The following PBX3 variants were observed in gnomAD, a reference collection of about 807,000 sequenced individuals.
The protein encoded by PBX3 is pre-B-cell leukemia transcription factor 3.
Under a neutral mutation model 48.5 loss-of-function variants are expected in PBX3, and 14 were observed. That is an observed-to-expected ratio of 0.29 (90% CI 0.19 to 0.45). The LOEUF is 0.45. Among genes scored for constraint, PBX3 ranks in the 20% least tolerant of loss-of-function variants. PBX3 has a pLI of 1.00. For missense variants in PBX3, 386 were observed against 546.7 expected, an observed-to-expected ratio of 0.71 and a Z score of 2.93; for synonymous variants, 210 against 200.3, an observed-to-expected ratio of 1.05 and a Z score of -0.41.
At chr9:125,777,965 T>C (rs535251972) in intron 2 of PBX3, among the ~76,000 whole-genome samples, 135 of 129,066 alleles carry the variant, frequency 1.0e-3, no homozygotes, top group South Asian at 2.2e-3. Flanking sequence ...AATCTTCTCT[T>C]TTTTTTTTTT....
At chr9:125,799,127 A>G (rs1837866529) in intron 2 of PBX3, among the ~76,000 whole-genome samples, 1 of 152,188 alleles carries the variant, frequency 6.6e-6, no homozygotes, top group Non-Finnish European at 1.5e-5. Context: ...TTCATCCTGA[A>G]GTTAAATGTT....
chr9:125,901,134 A>G (rs1413644121), intron 2 of PBX3, among the ~76,000 whole-genome samples: 1 of 151,760 alleles, frequency 6.6e-6, no homozygotes, highest in Non-Finnish European at 1.5e-5. Flanking sequence ...TTACTATTTC[A>G]ATTAGTTTTC....
intron 2 of PBX3, among the ~76,000 whole-genome samples, chr9:125,793,432 T>C (rs1400003856): frequency 2.0e-5 from 3 of 148,290 alleles, no homozygotes; most frequent in African/African-American, 5.0e-5. Context: ...AAGGCTTTTT[T>C]CCTTTTTTTT....
intron 4 of PBX3, among the ~76,000 whole-genome samples, chr9:125,934,336 T>C (rs1274945508): frequency 6.6e-6 from 1 of 152,204 alleles, no homozygotes; most frequent in Non-Finnish European, 1.5e-5. Flanking sequence ...ACTCTGTGTT[T>C]TCTGACTGTG....
At chr9:125,764,266 A>T (rs1836746997) in intron 2 of PBX3, among the ~76,000 whole-genome samples, 1 of 152,236 alleles carries the variant, frequency 6.6e-6, no homozygotes, top group South Asian at 2.1e-4. Flanking sequence ...TTTGATAAAG[A>T]TTCTTTATCC....
chr9:125,953,022 GA>G (rs1183801802), intron 5 of PBX3, among the ~76,000 whole-genome samples: 1 of 151,122 alleles, frequency 6.6e-6, no homozygotes, highest in Non-Finnish European at 1.5e-5. Flanking sequence ...TGTATGAAAA[GA>G]AAAAAATGCC....
intron 2 of PBX3, among the ~76,000 whole-genome samples, chr9:125,769,927 AATTT>A (rs1325506076): frequency 1.3e-5 from 2 of 152,112 alleles, no homozygotes; most frequent in Non-Finnish European, 2.9e-5. Context: ...ACCACTTATT[AATTT>A]ATTTAAGCTC....
chr9:125,890,496 C>T lies in PBX3; in HGVS notation c.275-25190C>T, dbSNP rs147442568. 2.0e-5 allele frequency among the ~76,000 whole-genome samples: 3 copies of T among 152,226 alleles called. No homozygotes were observed. In the East Asian group the frequency reaches 5.8e-4, roughly 29 times the overall value. On this transcript the variant is annotated intron_variant, in intron 2 of 8. Transcript: ENST00000373489. ...CATTATTACTGGTTGGAAAACATTC[C>T]AGAAAACCAAAATTATTGCTCTTTC...
At chr9:125,819,643 T>C (rs561242071) in intron 2 of PBX3, among the ~76,000 whole-genome samples, 75 of 152,282 alleles carry the variant, frequency 4.9e-4, no homozygotes, top group Non-Finnish European at 9.9e-4. Flanking sequence ...GGTTTAGATA[T>C]AGATATGGGC....
intron 3 of PBX3, among the ~76,000 whole-genome samples, chr9:125,925,379 C>T (rs1841551551): frequency 6.6e-6 from 1 of 152,146 alleles, no homozygotes; most frequent in South Asian, 2.1e-4. Flanking sequence ...ATGTAAAATA[C>T]ACACTAGATT....
intron 2 of PBX3, among the ~76,000 whole-genome samples, chr9:125,910,258 T>C (rs924421378): frequency 2.0e-5 from 3 of 152,138 alleles, no homozygotes; most frequent in East Asian, 1.9e-4. Context: ...AATGGACATA[T>C]ATGATAAAAA....
rs183550474 is a variant in PBX3, at chr9:125,747,684, G to A, written c.200+31G>A. The A allele has an allele frequency of 1.7e-3, 2,528 of 1,512,794 alleles. 7 individuals are homozygous for A. The highest frequency in any genetic ancestry group is 2.5e-3 in the Admixed American group (128 of 50,310). The allele number at this position is 1,512,794 out of a possible 1,614,324, so 93.7% of individuals were successfully genotyped here. ...TGTCGTCTCATTAAGCATCTTTTGT[G>A]TGTGTGCGGGAGCCGGGCCCGCGGC... On this transcript the variant is annotated intron_variant, in intron 1 of 8. Coordinates refer to ENST00000373489, the MANE Select transcript of PBX3 (RefSeq NM_006195.6).
At chr9:125,862,051 T>C (rs1238889623) in intron 2 of PBX3, among the ~76,000 whole-genome samples, 1 of 152,224 alleles carries the variant, frequency 6.6e-6, no homozygotes, top group African/African-American at 2.4e-5. Context: ...AAATGCACTT[T>C]AAATAAACAT....
chr9:125,905,592 G>T (rs1176808329), intron 2 of PBX3, among the ~76,000 whole-genome samples: 1 of 151,706 alleles, frequency 6.6e-6, no homozygotes, highest in African/African-American at 2.4e-5. Context: ...GTTTCCTAAA[G>T]GGTTAATGAA....
At chr9:125,912,364 C>T (rs147337800) in intron 2 of PBX3, among the ~76,000 whole-genome samples, 344 of 152,118 alleles carry the variant, frequency 2.3e-3, no homozygotes, top group Non-Finnish European at 4.2e-3. Flanking sequence ...TGCGTTTATT[C>T]GGAGAAAGCT....
intron 2 of PBX3, among the ~76,000 whole-genome samples, chr9:125,827,570 G>A (rs1838844284): frequency 6.6e-6 from 1 of 152,012 alleles, no homozygotes; most frequent in South Asian, 2.1e-4. Context: ...ATACCTATGT[G>A]TCGTATATAC....
chr9:125,932,551 A>C (rs1588310571), intron 4 of PBX3, among the ~76,000 whole-genome samples: 2 of 152,236 alleles, frequency 1.3e-5, no homozygotes, highest in East Asian at 3.8e-4. Context: ...AATTCCACTT[A>C]ATACTTTGTA....
chr9:125,781,188 T>C (rs1357686299), intron 2 of PBX3, among the ~76,000 whole-genome samples: 2 of 150,356 alleles, frequency 1.3e-5, no homozygotes, highest in African/African-American at 4.9e-5. Context: ...ATGGAGGTTG[T>C]AGCGAGCTGA....
intron 2 of PBX3, among the ~76,000 whole-genome samples, chr9:125,804,646 A>G (rs1242407776): frequency 1.3e-5 from 2 of 152,214 alleles, no homozygotes; most frequent in East Asian, 1.9e-4. Flanking sequence ...GAAAAGCGCA[A>G]TAAAGAAGAC....
Sources: allele counts gnomAD v4.1 joint callset (sites outside exome capture counted in the v4.1 genomes callset), GRCh38; gene constraint gnomAD v4.1.1; transcripts MANE v1.5; gene names NCBI Gene and HGNC (gene_info 2026-07-23, HGNC 2026-07-21).